PCSK6: variants seen among roughly 807,000 people sequenced by gnomAD.
The protein encoded by PCSK6 is paired basic amino acid cleaving enzyme 4.
In PCSK6, 85 loss-of-function variants were observed where a neutral mutation model predicts 123.3. The ratio of observed to expected loss-of-function variants is 0.69; its 90% CI spans 0.58 to 0.83. The LOEUF is 0.83. Ranked by LOEUF, PCSK6 falls within the 40% of genes least tolerant of loss-of-function variation. PCSK6 has a pLI of 0.00. For synonymous variants in PCSK6, 508 were observed against 516.0 expected (o/e 0.98, Z 0.21); for missense variants, 1,191 against 1,282.3 (o/e 0.93, Z 1.09).
At chr15:101,468,101 A>AGCTCTG (rs1313932568) in intron 1 of PCSK6, among the ~76,000 whole-genome samples, 1 of 152,238 alleles carries the variant, frequency 6.6e-6, no homozygotes, top group Non-Finnish European at 1.5e-5. Context: ...GTGTGGTGTC[A>AGCTCTG]GCTCTGGCTC....
At chr15:101,401,242 T>C (rs2042575485) in intron 6 of PCSK6, among the ~76,000 whole-genome samples, 1 of 152,206 alleles carries the variant, frequency 6.6e-6, no homozygotes, top group African/African-American at 2.4e-5. Context: ...CACGTGGGCG[T>C]GGGCAGCGAT....
intron 5 of PCSK6, 52 bp downstream of exon 5, chr15:101,429,935 G>T: frequency 7.0e-7 from 1 of 1,435,960 alleles, no homozygotes; most frequent in South Asian, 1.1e-5. Flanking sequence ...ATTCAATAGT[G>T]ACGCTGCAGG....
chr15:101,387,495 T>C (rs1038372308), intron 9 of PCSK6, among the ~76,000 whole-genome samples: 5 of 152,200 alleles, frequency 3.3e-5, no homozygotes, highest in African/African-American at 4.8e-5. Context: ...CATTTTCTTA[T>C]GAAAAAATCT....
At chr15:101,341,696 C>T (rs1017421188) in intron 13 of PCSK6, among the ~76,000 whole-genome samples, 1 of 152,124 alleles carries the variant, frequency 6.6e-6, no homozygotes, top group Admixed American at 6.5e-5. Context: ...AAGTCCTTGC[C>T]AGAAGCCCAG....
intron 1 of PCSK6, among the ~76,000 whole-genome samples, chr15:101,463,649 T>C (rs567920457): frequency 6.6e-6 from 1 of 152,180 alleles, no homozygotes; most frequent in African/African-American, 2.4e-5. Context: ...ACTGGGATAG[T>C]TGCCTTTCTG....
In PCSK6 at chr15:101,450,481, C is replaced by A. The variant is rs567771074; in HGVS notation, c.298-6821G>T. 2.0e-5 allele frequency among the ~76,000 whole-genome samples: 3 copies of A among 152,212 alleles called. No homozygotes were observed. The South Asian group carries it at 6.2e-4, about 32-fold the overall frequency. On this transcript the variant is annotated intron_variant, in intron 1 of 21. Transcript: ENST00000611716. ...CCAGGCCCTGTATGCCCAGACATGG[C>A]TATGACACCCTTTGTCCTCCCTCCC...
chr15:101,398,626 A>T lies in PCSK6; in HGVS notation c.824-50T>A. Reference sequence around the variant, plus strand: ...GTCGGCGCCCAGGCTCCGGGCACACAGCGACGGGAACCCGGGCCCAGGAGG... The same window carrying T: ...GTCGGCGCCCAGGCTCCGGGCACACTGCGACGGGAACCCGGGCCCAGGAGG... On this transcript the variant is annotated intron_variant, in intron 6 of 21. Coordinates refer to ENST00000611716, the MANE Select transcript of PCSK6 (RefSeq NM_002570.5). The surrounding 1 kb of genome is among the most constrained non-coding windows in gnomAD (Gnocchi z 4.6). 4 of 1,574,260 alleles carry T rather than the reference A, an allele frequency of 2.5e-6. No individual in the cohort carries two copies. The highest frequency in any genetic ancestry group is 3.5e-6 in the Non-Finnish European group (4 of 1,159,114).
Position 101,382,201 on chromosome 15 carries a change from A to G in PCSK6, c.1423T>C (p.Phe475Leu). 6.2e-7 allele frequency: 1 copy of G among 1,610,094 alleles called. No individual in the cohort carries two copies. The highest frequency in any genetic ancestry group is 8.5e-7 in the Non-Finnish European group (1 of 1,178,162). ...GCGTCCACCAAACCAAATCCATAGA[A>G]ATGGCTAACTGAAAAGACAGGCCCT... ...VNGAGHKVSH[F>L]YGFGLVDAEA... The change falls in exon 11 of 22, where the codon TTC becomes CTC. Residue 475 changes from phenylalanine to leucine, a missense_variant. Around this residue, in one of 3 missense-constraint regions of PCSK6, gnomAD observed 357 missense variants for 484.5 expected, o/e 0.74. Coordinates refer to ENST00000611716, the MANE Select transcript of PCSK6 (RefSeq NM_002570.5).
At chr15:101,323,993 G>C (rs949851616) in intron 17 of PCSK6, among the ~76,000 whole-genome samples, 1 of 152,198 alleles carries the variant, frequency 6.6e-6, no homozygotes, top group Non-Finnish European at 1.5e-5. Flanking sequence ...GTGTCTCCCA[G>C]GGCGAGGCGA....
chr15:101,452,496 CT>C (rs2057060864), intron 1 of PCSK6, among the ~76,000 whole-genome samples: 1 of 152,170 alleles, frequency 6.6e-6, no homozygotes, highest in African/African-American at 2.4e-5. Flanking sequence ...TAAAACTCTT[CT>C]TTTTCCTGAA....
At chr15:101,364,994 C>T (rs151131512) in intron 13 of PCSK6, 21 of 778,200 alleles carry the variant, frequency 2.7e-5, no homozygotes, top group Admixed American at 8.5e-5. Context: ...AGTGTGGAAA[C>T]GAACCTCTCT....
intron 13 of PCSK6, among the ~76,000 whole-genome samples, chr15:101,344,442 C>T (rs1264026394): frequency 6.6e-6 from 1 of 152,136 alleles, no homozygotes; most frequent in East Asian, 1.9e-4. Context: ...TCCAATAACG[C>T]TTTTTGCCAT....
chr15:101,378,641 C>T (rs1174356545), intron 11 of PCSK6, among the ~76,000 whole-genome samples: 1 of 152,130 alleles, frequency 6.6e-6, no homozygotes, highest in Non-Finnish European at 1.5e-5. Context: ...GAGCAGGGGG[C>T]CTGGCTCCTT....
intron 13 of PCSK6, among the ~76,000 whole-genome samples, chr15:101,338,292 C>G (rs1280223148): frequency 6.6e-6 from 1 of 152,180 alleles, no homozygotes; most frequent in Non-Finnish European, 1.5e-5. Flanking sequence ...CAGAGACACA[C>G]AGGAATGAGC....
chr15:101,468,834 A>G (rs955586722), intron 1 of PCSK6, among the ~76,000 whole-genome samples: 1 of 152,208 alleles, frequency 6.6e-6, no homozygotes, highest in African/African-American at 2.4e-5. Flanking sequence ...TGCACTAGTG[A>G]TGACAGCTCG....
At chr15:101,445,137 G>C (rs1369862699) in intron 1 of PCSK6, among the ~76,000 whole-genome samples, 2 of 152,178 alleles carry the variant, frequency 1.3e-5, no homozygotes, top group Non-Finnish European at 2.9e-5. Flanking sequence ...CACCTATATA[G>C]AGCCTAGCTG....
chr15:101,389,333 G>A (rs2042158066), intron 9 of PCSK6, 131 bp downstream of exon 9: 1 of 704,636 alleles, frequency 1.4e-6, no homozygotes, highest in Non-Finnish European at 2.5e-6. Context: ...TGGTGCAGGT[G>A]CACGACTCAC....
chr15:101,475,652 ATTTTTT>A (rs35792381), intron 1 of PCSK6, among the ~76,000 whole-genome samples: 93 of 122,682 alleles, frequency 7.6e-4, no homozygotes, highest in South Asian at 1.9e-3. Flanking sequence ...CACTTGGCTA[ATTTTTT>A]TTTTTTTTTT....
At chr15:101,434,309 CTCTGT>C (rs1392131137) in intron 2 of PCSK6, among the ~76,000 whole-genome samples, 2 of 152,228 alleles carry the variant, frequency 1.3e-5, no homozygotes, top group African/African-American at 4.8e-5. Context: ...GCCCTGAACT[CTCTGT>C]TCTAACAACA....
Sources: gnomAD v4.1 joint callset for allele counts (sites outside exome capture counted in the v4.1 genomes callset) on GRCh38, gnomAD v4.1.1 for gene constraint, gnomAD v4.1.1 regional missense constraint, Gnocchi (gnomAD v3.1) non-coding constraint, MANE v1.5 for transcripts, NCBI Gene and HGNC (gene_info 2026-07-23, HGNC 2026-07-21) for gene names.